SLC36A2: variants seen among roughly 807,000 people sequenced by gnomAD.
SLC36A2 encodes the protein proton-coupled amino acid transporter 2.
In SLC36A2, 39 loss-of-function variants were observed where a neutral mutation model predicts 42.7. The ratio of observed to expected loss-of-function variants is 0.91; its 90% CI spans 0.71 to 1.19. SLC36A2 has a LOEUF of 1.19. Among genes scored for constraint, SLC36A2 ranks in the 50% most tolerant of loss-of-function variants. SLC36A2 has a pLI of 0.00. For synonymous variants in SLC36A2, 237 were observed against 240.8 expected (o/e 0.98, Z 0.15); for missense variants, 590 against 613.7 (o/e 0.96, Z 0.41).
intron 4 of SLC36A2, among the ~76,000 whole-genome samples, chr5:151,342,124 A>G (rs943658523): frequency 1.3e-5 from 2 of 152,094 alleles, no homozygotes; most frequent in Non-Finnish European, 2.9e-5. Context: ...AAACCCTCCA[A>G]TGGCTTCCTG....
intron 7 of SLC36A2, among the ~76,000 whole-genome samples, chr5:151,328,368 T>C (rs1230396342): frequency 6.6e-6 from 1 of 152,254 alleles, no homozygotes; most frequent in Non-Finnish European, 1.5e-5. Flanking sequence ...TTTCCTGATT[T>C]TCTTCTTCCC....
At chr5:151,329,737 C>T (rs1370144938) in intron 7 of SLC36A2, among the ~76,000 whole-genome samples, 1 of 152,044 alleles carries the variant, frequency 6.6e-6, no homozygotes, top group Admixed American at 6.5e-5. Context: ...ACAGGAATGA[C>T]AAAATCTGAA....
At chr5:151,324,458 G>A (rs1229952514) in intron 8 of SLC36A2, among the ~76,000 whole-genome samples, 1 of 151,970 alleles carries the variant, frequency 6.6e-6, no homozygotes, top group African/African-American at 2.4e-5. Context: ...TCAGCCTCCC[G>A]AGTAGCTGGG....
At chr5:151,339,793 A>T in intron 4 of SLC36A2, among the ~76,000 whole-genome samples, 1 of 152,100 alleles carries the variant, frequency 6.6e-6, no homozygotes, top group Non-Finnish European at 1.5e-5. Flanking sequence ...TCACATTTGA[A>T]TTTTTTTCTG....
intron 4 of SLC36A2, among the ~76,000 whole-genome samples, chr5:151,340,064 GAGAAAAAGA>G (rs552098035): frequency 2.6e-5 from 4 of 151,546 alleles, no homozygotes; most frequent in Admixed American, 6.6e-5. Flanking sequence ...CAAAGAGAGA[GAGAAAAAGA>G]AGAAAAAGGA....
chr5:151,320,666 T>C (rs967059753), intron 9 of SLC36A2, among the ~76,000 whole-genome samples: 6 of 152,120 alleles, frequency 3.9e-5, no homozygotes, highest in Admixed American at 1.3e-4. Flanking sequence ...CCTCAGCCAA[T>C]AGGCAAGCAC....
rs1488149800 is a variant in SLC36A2, at chr5:151,316,898, C to T, written c.1371G>A (p.Val457=). 1.2e-6 allele frequency: 2 copies of T among 1,614,086 alleles called. No homozygotes were observed. The highest frequency in any genetic ancestry group is 2.7e-5 in the African/African-American group (2 of 75,010). The change falls in exon 10 of 10, where the codon GTG becomes GTA. Residue 457 remains valine, a synonymous_variant. Transcript: ENST00000335244. ...ISILGFVGFV[V]GTYQALDELL... ...GCTCGTCCAGGGCCTGGTAGGTCCCCACCACAAAGCCCACGAAGCCCAGGA... is the reference window on the plus strand; with the variant it reads ...GCTCGTCCAGGGCCTGGTAGGTCCCTACCACAAAGCCCACGAAGCCCAGGA...
rs139769169 is a variant in SLC36A2 at position 151,330,824 on chromosome 5, T to G, written c.843+2400A>C. 6.7e-3 allele frequency among the ~76,000 whole-genome samples: 1,013 copies of G among 152,320 alleles called. 9 individuals carry two copies. Among genetic ancestry groups the G allele is most frequent in the African/African-American group, 0.024 (977 of 41,568 alleles). The stretch of plus-strand genomic sequence containing the variant: ...CAGTTTACTAGCAATGATAAAATAT[T>G]ATCTCACAGTAAATTGTGAAAACGT... On this transcript the variant is annotated intron_variant, in intron 7 of 9. Coordinates refer to ENST00000335244, the MANE Select transcript of SLC36A2 (RefSeq NM_181776.3).
At chr5:151,320,396 C>CAAA (rs10657202) in intron 9 of SLC36A2, among the ~76,000 whole-genome samples, 21,156 of 148,212 alleles carry the variant, frequency 0.14, 1,808 homozygotes, top group East Asian at 0.4. Context: ...CTTTGTTATG[C>CAAA]AAAAAAAAAA....
chr5:151,335,271 T>C (rs1756118547), intron 6 of SLC36A2, 58 bp downstream of exon 6: 13 of 1,370,856 alleles, frequency 9.5e-6, no homozygotes, highest in African/African-American at 1.4e-5. Context: ...AAGCTCAGTC[T>C]ATCCTTGATA....
At chr5:151,335,253 G>A in intron 6 of SLC36A2, 76 bp downstream of exon 6, 1 of 1,145,438 alleles carries the variant, frequency 8.7e-7, no homozygotes. Context: ...GTTGGCTCCA[G>A]GTATCTAAAG....
rs1320758972 is a variant in SLC36A2, at chr5:151,342,861, A to C, written c.440+27T>G. 2.5e-6 allele frequency: 4 copies of C among 1,595,846 alleles called. No homozygotes were observed. The East Asian group carries it at 6.7e-5, about 27-fold the overall frequency. On this transcript the variant is annotated intron_variant, in intron 4 of 9. Transcript: ENST00000335244. The stretch of plus-strand genomic sequence containing the variant: ...ATTTTCTCCTCCTGTGTCCTACCCC[A>C]CTGCAGGCAAAGCAAGAACAGGTTA...
Position 151,331,954 on chromosome 5 carries a change from C to T in SLC36A2, c.843+1270G>A, listed in dbSNP as rs1756007925. 3.3e-5 allele frequency among the ~76,000 whole-genome samples: 5 copies of T among 152,044 alleles called. No individual in the cohort carries two copies. The South Asian group carries it at 1.0e-3, about 32-fold the overall frequency. On this transcript the variant is annotated intron_variant, in intron 7 of 9. Transcript: ENST00000335244. Reference sequence around the variant, plus strand: ...CCATCTTAGCTCACTGCAACTTCCGCTTCCTGGGTTCAAGTGATTCTCCTG... The same window carrying T: ...CCATCTTAGCTCACTGCAACTTCCGTTTCCTGGGTTCAAGTGATTCTCCTG...
intron 6 of SLC36A2, 42 bp downstream of exon 6, chr5:151,335,287 A>T: frequency 6.7e-7 from 1 of 1,488,516 alleles, no homozygotes; most frequent in Non-Finnish European, 9.2e-7. Flanking sequence ...TGATAAAAAA[A>T]CCCTGCCCAG....
chr5:151,339,191 TCAA>T, intron 4 of SLC36A2, 47 bp from the exon 5 acceptor site: 1 of 1,458,804 alleles, frequency 6.9e-7, no homozygotes, highest in Non-Finnish European at 9.6e-7. Context: ...ATAAAATAAG[TCAA>T]CTTGTCAGTT....
chr5:151,322,305 G>T, intron 8 of SLC36A2, 90 bp from the exon 9 acceptor site: 1 of 1,474,564 alleles, frequency 6.8e-7, no homozygotes, highest in Non-Finnish European at 9.3e-7. Flanking sequence ...TTGGGACAAT[G>T]ACTTGGGCTT....
chr5:151,316,867 T>C lies in SLC36A2; in HGVS notation c.1402A>G (p.Lys468Glu). The change falls in exon 10 of 10, where the codon AAG (lysine) becomes GAG (glutamate). Residue 468 changes from lysine to glutamate, a missense_variant. Lys to Glu is a moderately conservative substitution (Grantham distance 56, BLOSUM62 1). Transcript: ENST00000335244. ...GAAAAGGGGTGAGAGTCTTCTGACTTGAGCAGCTCGTCCAGGGCCTGGTAG... is the reference window on the plus strand; with the variant it reads ...GAAAAGGGGTGAGAGTCTTCTGACTCGAGCAGCTCGTCCAGGGCCTGGTAG... Reference protein sequence around the residue: ...GTYQALDELLKSEDSHPFSNS... With the variant: ...GTYQALDELLESEDSHPFSNS... The C allele has an allele frequency of 6.2e-7, 1 of 1,614,034 alleles. No individual in the cohort carries two copies. Among genetic ancestry groups the C allele is most frequent in the South Asian group, 1.1e-5 (1 of 91,072 alleles).
At chr5:151,333,390 G>C in intron 6 of SLC36A2, 68 bp from the exon 7 acceptor site, 1 of 1,359,784 alleles carries the variant, frequency 7.4e-7, no homozygotes, top group Non-Finnish European at 1.1e-6. Context: ...TAAGAGAAGG[G>C]TACTCTGAAA....
chr5:151,342,759 C>G, intron 4 of SLC36A2, 129 bp downstream of exon 4: 1 of 740,916 alleles, frequency 1.3e-6, no homozygotes. Context: ...GCCAATGAAC[C>G]CCTTCCATGT....
Sources: gnomAD v4.1 joint callset for allele counts (sites outside exome capture counted in the v4.1 genomes callset) on GRCh38, gnomAD v4.1.1 for gene constraint, MANE v1.5 for transcripts, NCBI Gene and HGNC (gene_info 2026-07-23, HGNC 2026-07-21) for gene names.